DPP6: variants seen among roughly 807,000 people sequenced by gnomAD.
DPP6 encodes the protein dipeptidyl peptidase like 6, also known as A-type potassium channel modulatory protein DPP6.
A neutral mutation model predicts 122.6 loss-of-function variants in DPP6; 69 were observed. The ratio of observed to expected loss-of-function variants is 0.56; its 90% confidence interval spans 0.46 to 0.69. The LOEUF (loss-of-function observed/expected upper bound fraction) is 0.69, where lower values mean the gene tolerates loss of function less well. Among genes scored for constraint, DPP6 ranks in the 30% least tolerant of loss-of-function variants. The probability of loss-of-function intolerance (pLI) is 0.00; values close to 1 mark genes in which losing one functional copy is unlikely to be tolerated. For missense variants in DPP6, 928 were observed against 1,116.9 expected (o/e 0.83, Z 2.41); for synonymous variants, 418 against 433.1 (o/e 0.97, Z 0.43).
Position 154,637,972 on chromosome 7 carries a change from G to T in DPP6, c.680+99G>T. The stretch of plus-strand genomic sequence containing the variant: ...TTTAACCCTTAGGGCGGGAAATGGC[G>T]TTCCAGTTCTCACAGCCAAGGGTGC... On this transcript the variant is annotated intron_variant, in intron 6 of 25. Transcript: ENST00000377770. 3 of 1,332,618 alleles carry T rather than the reference G, an allele frequency of 2.3e-6. No individual in the cohort carries two copies. In the South Asian group the frequency reaches 4.2e-5, roughly 19 times the overall value. 82.5% of individuals were successfully genotyped at this position (1,332,618 alleles called of 1,614,324 possible). A position where few individuals can be genotyped will look rare whatever the true frequency, so the allele number is the denominator to read the frequency against.
chr7:154,110,975 C>T (rs541504109), intron 1 of DPP6, among the ~76,000 whole-genome samples: 157 of 152,168 alleles, frequency 1.0e-3, no homozygotes, highest in African/African-American at 3.3e-3. Context: ...GCATGTAAGG[C>T]AGGACAAACC....
chr7:154,324,940 A>C lies in DPP6; in HGVS notation c.244-121274A>C, dbSNP rs1422236258. Among the ~76,000 whole-genome samples the C allele has an allele frequency of 1.6e-4, 23 of 140,382 alleles. 1 individual carries two copies. The highest frequency in any genetic ancestry group is 2.2e-4 in the Non-Finnish European group (15 of 66,668). The allele number at this position is 140,382 out of a possible 152,430, so 92.1% of individuals were successfully genotyped here. On this transcript the variant is annotated intron_variant, in intron 1 of 25. Coordinates refer to ENST00000377770, the MANE Select transcript of DPP6 (RefSeq NM_130797.4). ...CAATGGCACCATCTTGGCTCACTGC[A>C]ACCTCTGCCTCCTGGGTTGAAGCGG... is the stretch of plus-strand genomic sequence containing the variant.
intron 17 of DPP6, among the ~76,000 whole-genome samples, chr7:154,862,996 T>G (rs544602691): frequency 4.1e-4 from 63 of 152,168 alleles, no homozygotes; most frequent in Non-Finnish European, 7.5e-4. Context: ...CCTCCTGGGC[T>G]CAAGCAATCC....
chr7:154,478,371 C>T (rs994461370), intron 3 of DPP6, among the ~76,000 whole-genome samples: 1 of 152,108 alleles, frequency 6.6e-6, no homozygotes, highest in African/African-American at 2.4e-5. Context: ...TAGTGATAGA[C>T]ATAAGAATTA....
chr7:154,101,682 C>T (rs1179413194), intron 1 of DPP6, among the ~76,000 whole-genome samples: 1 of 151,872 alleles, frequency 6.6e-6, no homozygotes, highest in Non-Finnish European at 1.5e-5. Flanking sequence ...AATCCCAGCC[C>T]TCTGGGAGGC....
At chr7:153,977,109 C>CT (rs972115531) in intron 1 of DPP6, among the ~76,000 whole-genome samples, 4 of 152,098 alleles carry the variant, frequency 2.6e-5, no homozygotes, top group East Asian at 3.9e-4. Flanking sequence ...TGTTTTCTTT[C>CT]TTTTTTTTCT....
chr7:154,433,140 T>TTTTG (rs1818572021), intron 1 of DPP6, among the ~76,000 whole-genome samples: 1 of 30,960 alleles, frequency 3.2e-5, no homozygotes, highest in Non-Finnish European at 7.2e-5. Context: ...CTGCAAGTTT[T>TTTTG]TTTTTTTTTT....
At position 154,481,094 on chromosome 7, in the gene DPP6, G is replaced by A. The variant is rs1295490075; in HGVS notation, c.457+6057G>A. Among the ~76,000 whole-genome samples, 1 of 152,078 alleles carries A rather than the reference G, an allele frequency of 6.6e-6. No homozygotes were observed. Among genetic ancestry groups the A allele is most frequent in the Non-Finnish European group, 1.5e-5 (1 of 68,026 alleles). On this transcript the variant is annotated intron_variant, in intron 3 of 25. Transcript: ENST00000377770. This position sits in a 1 kb window ranked among gnomAD's most constrained non-coding sequence, Gnocchi z 4.2. The stretch of plus-strand genomic sequence containing the variant: ...CCCAGCAGCAGCAGGAAGGACCGAG[G>A]CTCTACTCCGGCACCTCAGGTACTA...
At chr7:154,772,404 G>T (rs1004803029) in intron 9 of DPP6, among the ~76,000 whole-genome samples, 3 of 152,158 alleles carry the variant, frequency 2.0e-5, no homozygotes, top group African/African-American at 7.2e-5. Flanking sequence ...CAGGGAAGCA[G>T]AATAGTGCCC....
chr7:154,357,440 G>T (rs1426317979), intron 1 of DPP6, among the ~76,000 whole-genome samples: 1 of 152,102 alleles, frequency 6.6e-6, no homozygotes, highest in East Asian at 1.9e-4. Context: ...GCTGTTAATT[G>T]CATCAACGGC....
At chr7:154,144,028 T>A (rs1259076645) in intron 1 of DPP6, among the ~76,000 whole-genome samples, 4 of 151,370 alleles carry the variant, frequency 2.6e-5, no homozygotes, top group African/African-American at 9.7e-5. Flanking sequence ...CAGCAGTATA[T>A]GAGGGAATCT....
chr7:154,132,615 C>G (rs1219198660), intron 1 of DPP6, among the ~76,000 whole-genome samples: 4 of 152,164 alleles, frequency 2.6e-5, no homozygotes, highest in African/African-American at 9.7e-5. Flanking sequence ...ATCTCTCTTC[C>G]CATTCTTTCT....
intron 22 of DPP6, among the ~76,000 whole-genome samples, chr7:154,887,024 T>C (rs1426515776): frequency 6.6e-6 from 1 of 152,260 alleles, no homozygotes. Flanking sequence ...CAGATTTGTC[T>C]GATTCAAATG....
intron 1 of DPP6, among the ~76,000 whole-genome samples, chr7:154,257,245 C>T (rs1159543211): frequency 1.3e-5 from 2 of 151,940 alleles, no homozygotes; most frequent in African/African-American, 4.8e-5. Flanking sequence ...TGCTTGGGTT[C>T]TTTAGCAGAA....
At chr7:154,445,039 T>G (rs7797707) in intron 1 of DPP6, among the ~76,000 whole-genome samples, 6,348 of 152,332 alleles carry the variant, frequency 0.042, 422 homozygotes, top group African/African-American at 0.14. Context: ...ATAACAAATA[T>G]AGCCAATATT....
chr7:154,400,306 C>T (rs1193529119), intron 1 of DPP6, among the ~76,000 whole-genome samples: 1 of 152,100 alleles, frequency 6.6e-6, no homozygotes, highest in Admixed American at 6.5e-5. Context: ...CCAGAGATGG[C>T]GTGGAGTTCC....
At chr7:154,229,618 GTT>G (rs903061447) in intron 1 of DPP6, among the ~76,000 whole-genome samples, 14 of 152,214 alleles carry the variant, frequency 9.2e-5, no homozygotes, top group Non-Finnish European at 1.5e-4. Flanking sequence ...ATTAAAACAA[GTT>G]TTTTTATTTG....
At chr7:154,023,100 A>G (rs142282727) in intron 1 of DPP6, among the ~76,000 whole-genome samples, 14,338 of 151,486 alleles carry the variant, frequency 0.095, 1,023 homozygotes, top group African/African-American at 0.2. Context: ...TGTTTCACCT[A>G]ACACTCAGGA....
chr7:153,829,673 G>T, the DPP6 span, among the ~76,000 whole-genome samples: 1 of 152,194 alleles, frequency 6.6e-6, no homozygotes, highest in East Asian at 1.9e-4. Flanking sequence ...TGTGAGGAAA[G>T]GAATGCCACT....
Sources: gnomAD v4.1 joint callset for allele counts (sites outside exome capture counted in the v4.1 genomes callset) on GRCh38, gnomAD v4.1.1 for gene constraint, Gnocchi (gnomAD v3.1) non-coding constraint, MANE v1.5 for transcripts, NCBI Gene and HGNC (gene_info 2026-07-23, HGNC 2026-07-21) for gene names.